Variants in FRMD5 observed in about 807,000 individuals in gnomAD.
FRMD5 encodes the protein FERM domain-containing protein 5.
Under a neutral mutation model 69.0 loss-of-function variants are expected in FRMD5, and 20 were observed. The ratio of observed to expected loss-of-function variants is 0.29; its 90% CI spans 0.20 to 0.42. FRMD5 has a LOEUF of 0.42. Among genes scored for constraint, FRMD5 ranks in the 10% least tolerant of loss-of-function variants. The pLI, the probability that FRMD5 is intolerant of heterozygous loss-of-function variation, is 1.00. For missense variants in FRMD5, 595 were observed against 708.6 expected, an observed-to-expected ratio of 0.84 and a Z score of 1.82; for synonymous variants, 271 against 260.1, an observed-to-expected ratio of 1.04 and a Z score of -0.40.
chr15:44,108,559 TG>T (rs1698709793), intron 1 of FRMD5, among the ~76,000 whole-genome samples: 1 of 152,042 alleles, frequency 6.6e-6, no homozygotes, highest in Non-Finnish European at 1.5e-5. Context: ...GCAGGAGAAT[TG>T]CTTAAACTCT....
Position 44,194,999 on chromosome 15 carries a change from C to A in FRMD5, c.56G>T (p.Cys19Phe). 6.4e-7 allele frequency: 1 copy of A among 1,562,096 alleles called. No homozygotes were observed. The highest frequency in any genetic ancestry group is 2.4e-5 in the East Asian group (1 of 41,424). The change falls in exon 1 of 14, where the codon TGC becomes TTC. Residue 19 changes from cysteine (C) to phenylalanine (F), a missense_variant. Transcript: ENST00000417257. ...GCTGTCGTCCAGCAGCCGCACGGTG[C>A]AGCTGTACTCGCGCTCCAGGCTCCT... ...SSRSLEREYS[C>F]TVRLLDDSEY...
chr15:43,995,164 T>C (rs1434358577), intron 1 of FRMD5, among the ~76,000 whole-genome samples: 2 of 152,226 alleles, frequency 1.3e-5, no homozygotes, highest in African/African-American at 2.4e-5. Context: ...CATATGCATA[T>C]CCTCCCACAC....
intron 13 of FRMD5, among the ~76,000 whole-genome samples, chr15:43,882,732 A>C (rs983093627): frequency 2.6e-4 from 39 of 152,112 alleles, no homozygotes; most frequent in African/African-American, 9.4e-4. Flanking sequence ...AGAAGTGAAA[A>C]TTCTTGGTTA....
chr15:44,044,363 C>T (rs1439970356), intron 1 of FRMD5, among the ~76,000 whole-genome samples: 1 of 152,116 alleles, frequency 6.6e-6, no homozygotes, highest in African/African-American at 2.4e-5. Flanking sequence ...GACAGTGTGG[C>T]GACTCCTCTA....
intron 1 of FRMD5, among the ~76,000 whole-genome samples, chr15:44,002,159 C>T (rs1371342462): frequency 1.3e-5 from 2 of 152,140 alleles, no homozygotes; most frequent in Admixed American, 6.6e-5. Flanking sequence ...CCTTTCTCTG[C>T]CCTGGCCCAG....
chr15:43,925,308 T>C (rs2089565200), intron 1 of FRMD5, among the ~76,000 whole-genome samples: 1 of 152,222 alleles, frequency 6.6e-6, no homozygotes, highest in Non-Finnish European at 1.5e-5. Flanking sequence ...CCCAGCCCTC[T>C]TGTATATCCT....
intron 1 of FRMD5, among the ~76,000 whole-genome samples, chr15:44,127,679 G>A (rs912626582): frequency 6.6e-6 from 1 of 152,082 alleles, no homozygotes; most frequent in Non-Finnish European, 1.5e-5. Context: ...TTTGAAATCA[G>A]CCAGGGCAAC....
intron 1 of FRMD5, among the ~76,000 whole-genome samples, chr15:43,995,402 G>C (rs115206077): frequency 6.6e-6 from 1 of 152,190 alleles, no homozygotes; most frequent in Non-Finnish European, 1.5e-5. Flanking sequence ...AAAGAGGATG[G>C]CCTGGTGCTG....
At chr15:44,184,694 A>G (rs1311663408) in intron 1 of FRMD5, among the ~76,000 whole-genome samples, 2 of 152,266 alleles carry the variant, frequency 1.3e-5, no homozygotes, top group East Asian at 1.9e-4. Context: ...AAAGGAGATA[A>G]TAAGAGATGA....
intron 1 of FRMD5, among the ~76,000 whole-genome samples, chr15:44,028,526 C>T (rs1201694327): frequency 8.5e-5 from 13 of 152,212 alleles, no homozygotes; most frequent in Non-Finnish European, 1.3e-4. Flanking sequence ...AGTGACTCAG[C>T]GTTGTAGCAG....
At chr15:44,196,752 T>TTCTCTCTCTCTCTCTCTCTTTC (rs2078308215), upstream of FRMD5, among the ~76,000 whole-genome samples, 2 of 71,956 alleles carry the variant, frequency 2.8e-5, no homozygotes, top group Non-Finnish European at 6.4e-5. Context: ...CTCTCTCTCT[T>TTCTCTCTCTCTCTCTCTCTTTC]TCTCTCTCTC....
intron 7 of FRMD5, among the ~76,000 whole-genome samples, chr15:43,895,492 GTT>G (rs1232935311): frequency 6.6e-6 from 1 of 152,252 alleles, no homozygotes; most frequent in Non-Finnish European, 1.5e-5. Context: ...AGGTGTTAGA[GTT>G]AGAGGAGCAC....
At chr15:44,004,129 A>AT (rs1890332859) in intron 1 of FRMD5, among the ~76,000 whole-genome samples, 1 of 152,198 alleles carries the variant, frequency 6.6e-6, no homozygotes, top group Non-Finnish European at 1.5e-5. Flanking sequence ...TCTCATATTT[A>AT]TTTTTCAAAC....
chr15:43,931,642 G>A (rs2089678408), intron 1 of FRMD5, among the ~76,000 whole-genome samples: 1 of 151,946 alleles, frequency 6.6e-6, no homozygotes, highest in Admixed American at 6.6e-5. Flanking sequence ...GGAATTTCTG[G>A]GGTTTTAGGG....
At chr15:43,902,397 T>C (rs1404248401) in intron 6 of FRMD5, 135 bp from the exon 7 acceptor site, 1 of 706,772 alleles carries the variant, frequency 1.4e-6, no homozygotes, top group Non-Finnish European at 2.5e-6. Context: ...TGCTTGGTTC[T>C]AGGACCAACT....
At position 43,878,279 on chromosome 15, in the gene FRMD5, G is replaced by A. The variant is rs117883811; in HGVS notation, c.1136-3817C>T. ...TGATGAGAAAAAAAAAAGTTTAATTGTACATCATTTTGCTTAAAGTTGCAG... is the reference window on the plus strand; with the variant it reads ...TGATGAGAAAAAAAAAAGTTTAATTATACATCATTTTGCTTAAAGTTGCAG... On this transcript the variant is annotated intron_variant, in intron 13 of 13. Coordinates refer to ENST00000417257, the MANE Select transcript of FRMD5 (RefSeq NM_032892.5). Among the ~76,000 whole-genome samples the A allele has an allele frequency of 2.9e-3, 448 of 152,194 alleles. 4 individuals carry two copies. Among genetic ancestry groups the A allele is most frequent in the Admixed American group, 3.4e-3 (52 of 15,286 alleles).
At chr15:44,059,897 A>G (rs1893021952) in intron 1 of FRMD5, among the ~76,000 whole-genome samples, 1 of 152,232 alleles carries the variant, frequency 6.6e-6, no homozygotes, top group South Asian at 2.1e-4. Context: ...TTTCAAATTC[A>G]GAAACACCTT....
chr15:44,181,595 C>A (rs571738856), intron 1 of FRMD5, among the ~76,000 whole-genome samples: 124 of 152,248 alleles, frequency 8.1e-4, no homozygotes, highest in African/African-American at 3.0e-3. Context: ...TCACCACTAA[C>A]TAACCACCTT....
chr15:44,162,790 C>T (rs145336923), intron 1 of FRMD5, among the ~76,000 whole-genome samples: 2,647 of 147,084 alleles, frequency 0.018, 85 homozygotes, highest in African/African-American at 0.064. Context: ...TTGCTTGAAC[C>T]TGGGAGGCAG....
Sources: gnomAD v4.1 joint callset for allele counts (sites outside exome capture counted in the v4.1 genomes callset) on GRCh38, gnomAD v4.1.1 for gene constraint, MANE v1.5 for transcripts, NCBI Gene and HGNC (gene_info 2026-07-23, HGNC 2026-07-21) for gene names.